The following ABCA13 variants were observed in gnomAD, a reference collection of about 807,000 sequenced individuals.
The protein encoded by ABCA13 is ATP binding cassette subfamily A member 13, also known as ATP-binding cassette sub-family A member 13.
In ABCA13, 476 loss-of-function variants were observed where a neutral mutation model predicts 478.7. That is an observed-to-expected ratio of 0.99 (90% CI 0.92 to 1.07). The LOEUF is 1.07. Ranked by LOEUF, ABCA13 falls within the 50% of genes least tolerant of loss-of-function variation. The pLI is 0.00. For missense variants in ABCA13, 6,060 were observed against 5,910.6 expected, an observed-to-expected ratio of 1.03 and a Z score of -0.83; for synonymous variants, 2,252 against 2,158.9, an observed-to-expected ratio of 1.04 and a Z score of -1.20.
At chr7:48,269,883 C>T (rs1170316033) in intron 16 of ABCA13, among the ~76,000 whole-genome samples, 1 of 152,028 alleles carries the variant, frequency 6.6e-6, no homozygotes, top group Non-Finnish European at 1.5e-5. Context: ...CTTCTTAAGC[C>T]CAGCTATTAG....
rs1401969343 is a variant in ABCA13, at chr7:48,646,091, T to C, written c.*579T>C. 6.6e-6 allele frequency: 1 copy of C among 152,298 alleles called. No homozygotes were observed. Among genetic ancestry groups the C allele is most frequent in the Non-Finnish European group, 1.5e-5 (1 of 68,126 alleles). 9.4% of individuals were successfully genotyped at this position (152,298 alleles called of 1,614,324 possible). On this transcript the variant is annotated 3_prime_UTR_variant, in exon 62 of 62. Transcript: ENST00000435803. ...TCACCAATTTTTTACATATAAAAGA[T>C]ACCTTTTTAAAAAAATAGGTTTTAA... is the stretch of plus-strand genomic sequence containing the variant.
chr7:48,274,085 A>G lies in ABCA13; in HGVS notation c.4419A>G (p.Val1473=), dbSNP rs1270956365. Residue 1473 remains valine (V), a synonymous_variant, in exon 17 of 62, where the codon GTA becomes GTG. Transcript: ENST00000435803. ...LKDVTDFLNI[V]LTTVFEKEKK... ...ATGTAACTGACTTTCTAAATATTGT[A>G]CTTACTACAGTCTTTGAAAAAGAGA... 5 of 1,606,728 alleles carry G rather than the reference A, an allele frequency of 3.1e-6. No homozygotes were observed. Among genetic ancestry groups the G allele is most frequent in the South Asian group, 1.1e-5 (1 of 90,000 alleles).
intron 59 of ABCA13, among the ~76,000 whole-genome samples, chr7:48,625,171 T>A (rs532586606): frequency 2.2e-4 from 33 of 152,310 alleles, no homozygotes; most frequent in African/African-American, 7.0e-4. Flanking sequence ...TAGCTGCAAA[T>A]TAATGTATCA....
intron 43 of ABCA13, among the ~76,000 whole-genome samples, chr7:48,464,597 T>A (rs1826665220): frequency 1.3e-5 from 2 of 152,218 alleles, no homozygotes; most frequent in Non-Finnish European, 2.9e-5. Flanking sequence ...TGTAATGAGT[T>A]GCATTTCTTC....
At chr7:48,211,693 G>A (rs561026583) in intron 3 of ABCA13, among the ~76,000 whole-genome samples, 1 of 152,152 alleles carries the variant, frequency 6.6e-6, no homozygotes, top group Non-Finnish European at 1.5e-5. Flanking sequence ...AATCCTGCTG[G>A]GACTGGGTCC....
chr7:48,440,805 T>G (rs1372232030), intron 42 of ABCA13, among the ~76,000 whole-genome samples: 2 of 151,988 alleles, frequency 1.3e-5, no homozygotes, highest in African/African-American at 4.8e-5. Context: ...AGAACATTAT[T>G]AAAAAACCCA....
At chr7:48,517,858 C>T (rs755762291) in intron 52 of ABCA13, among the ~76,000 whole-genome samples, 35 of 152,178 alleles carry the variant, frequency 2.3e-4, no homozygotes, top group Non-Finnish European at 1.5e-4. Context: ...GGAAAAGGTA[C>T]TGAGCTCCTA....
chr7:48,264,421 A>G (rs954964229), intron 15 of ABCA13, among the ~76,000 whole-genome samples: 1 of 151,856 alleles, frequency 6.6e-6, no homozygotes, highest in Admixed American at 6.6e-5. Context: ...GAGTTAAAAT[A>G]CCTCCACTTC....
At chr7:48,427,093 G>A (rs7458181) in intron 41 of ABCA13, among the ~76,000 whole-genome samples, 41,709 of 151,896 alleles carry the variant, frequency 0.27, 5,858 homozygotes, top group East Asian at 0.37. Context: ...CCCTGCCAGC[G>A]ATCCAGGTGC....
At position 48,229,914 on chromosome 7, in the gene ABCA13, C is replaced by T. The variant is rs534778852; in HGVS notation, c.722C>T (p.Ser241Leu). 6.6e-5 allele frequency: 107 copies of T among 1,613,972 alleles called. No individual in the cohort carries two copies. Among genetic ancestry groups the T allele is most frequent in the East Asian group, 5.3e-4 (24 of 44,882 alleles). The change falls in exon 7 of 62, where the codon TCG becomes TTG. Residue 241 changes from serine to leucine, a missense_variant. Ser to Leu is a moderately radical substitution (Grantham distance 145, BLOSUM62 -2). Transcript: ENST00000435803. Reference protein sequence around the residue: ...VSELVLNVTISTLTFLQQHGV... With the variant: ...VSELVLNVTILTLTFLQQHGV... ...GAACTTGTACTGAATGTGACCATTT[C>T]GACACTGACATTTCTGCAGCAACAT...
rs35693419 is a variant in ABCA13 at position 48,570,319 on chromosome 7, C to CTTTTT, written c.14355-9886_14355-9882dup. On this transcript the variant is annotated intron_variant, in intron 55 of 61. Transcript: ENST00000435803. Reference sequence around the variant, plus strand: ...TTCATTGTATATCTTTTTGCATCCTCTTTTTTTTTTTTTTTTTTTTTTTGA... The same window carrying CTTTTT: ...TTCATTGTATATCTTTTTGCATCCTCTTTTTTTTTTTTTTTTTTTTTTTTTTTTGA... Among the ~76,000 whole-genome samples the CTTTTT allele has an allele frequency of 5.6e-3, 495 of 88,200 alleles. 7 individuals are homozygous for CTTTTT. Among genetic ancestry groups the CTTTTT allele is most frequent in the East Asian group, 0.016 (41 of 2,632 alleles). 57.9% of individuals were successfully genotyped at this position (88,200 alleles called of 152,430 possible). A position where few individuals can be genotyped will look rare whatever the true frequency, so the allele number is the denominator to read the frequency against.
Position 48,214,818 on chromosome 7 carries a change from C to G in ABCA13, c.288-4536C>G, listed in dbSNP as rs542868678. On this transcript the variant is annotated intron_variant, in intron 3 of 61. Transcript: ENST00000435803. Reference sequence around the variant, plus strand: ...TGTGGCTGATTTGATCTATCCAGACCTCTAAAACTTTTTCCATATCACTTT... The same window carrying G: ...TGTGGCTGATTTGATCTATCCAGACGTCTAAAACTTTTTCCATATCACTTT... 9.2e-5 allele frequency among the ~76,000 whole-genome samples: 14 copies of G among 152,280 alleles called. No homozygotes were observed. In the South Asian group the frequency reaches 2.9e-3, roughly 32 times the overall value.
At chr7:48,293,910 C>CT (rs1798946032) in intron 20 of ABCA13, among the ~76,000 whole-genome samples, 1 of 152,120 alleles carries the variant, frequency 6.6e-6, no homozygotes, top group Non-Finnish European at 1.5e-5. Context: ...TTAGGAGCCT[C>CT]TCCACCTGCA....
intron 34 of ABCA13, among the ~76,000 whole-genome samples, chr7:48,376,120 G>T (rs1813440277): frequency 6.6e-6 from 1 of 151,980 alleles, no homozygotes; most frequent in South Asian, 2.1e-4. Flanking sequence ...AAATTTTTTT[G>T]AATGCTTATT....
chr7:48,246,315 C>T (rs1253276299), intron 13 of ABCA13, among the ~76,000 whole-genome samples: 3 of 151,490 alleles, frequency 2.0e-5, no homozygotes, highest in Non-Finnish European at 4.4e-5. Flanking sequence ...TGATCTGCTT[C>T]ATTCTTGGCT....
intron 39 of ABCA13, 99 bp downstream of exon 39, chr7:48,403,978 G>T (rs1370594108): frequency 8.2e-6 from 11 of 1,347,474 alleles, no homozygotes; most frequent in Non-Finnish European, 1.0e-5. Flanking sequence ...TCCCAGTGAG[G>T]CTACATTATC....
At chr7:48,436,316 A>G (rs573684405) in intron 42 of ABCA13, among the ~76,000 whole-genome samples, 2 of 151,838 alleles carry the variant, frequency 1.3e-5, no homozygotes, top group South Asian at 2.1e-4. Context: ...GTTGGTACAC[A>G]TTGTTCATAC....
chr7:48,389,041 G>T lies in ABCA13; in HGVS notation c.11475G>T (p.Gly3825=). ...FFFNENFDNK[G]SSLQNREGEL... is the part of the protein sequence containing the mutation. ...AATGAATTTTCATCTCTCTCACAGG[G>T]TCATCACTGCAAAACAGGGAAGGAG... The change falls in exon 37 of 62, where the codon GGG becomes GGT. Residue 3825 remains glycine (G), a splice_region_variant and synonymous_variant. Coordinates refer to ENST00000435803, the MANE Select transcript of ABCA13 (RefSeq NM_152701.5). 1.2e-6 allele frequency: 2 copies of T among 1,613,448 alleles called. No individual in the cohort carries two copies. Among genetic ancestry groups the T allele is most frequent in the African/African-American group, 1.3e-5 (1 of 74,998 alleles).
At chr7:48,479,033 C>T (rs1484650856) in intron 45 of ABCA13, among the ~76,000 whole-genome samples, 4 of 150,928 alleles carry the variant, frequency 2.7e-5, no homozygotes, top group Middle Eastern at 3.4e-3. Context: ...CTGCAAGCTC[C>T]GCCTCCTGGG....
Sources: allele counts gnomAD v4.1 joint callset (sites outside exome capture counted in the v4.1 genomes callset), GRCh38; gene constraint gnomAD v4.1.1; transcripts MANE v1.5; gene names NCBI Gene and HGNC (gene_info 2026-07-23, HGNC 2026-07-21).